DPP9: variants seen among roughly 807,000 people sequenced by gnomAD.
DPP9 encodes dipeptidyl peptidase 9.
A neutral mutation model predicts 110.7 loss-of-function variants in DPP9; 50 were observed. That is an observed-to-expected ratio of 0.45 (90% confidence interval 0.36 to 0.57). The LOEUF (loss-of-function observed/expected upper bound fraction) is 0.57, where lower values mean the gene tolerates loss of function less well. Among genes scored for constraint, DPP9 ranks in the 20% least tolerant of loss-of-function variants. DPP9 has a pLI of 0.00. For synonymous variants in DPP9, 561 were observed against 514.4 expected (o/e 1.09, Z -1.23); for missense variants, 1,022 against 1,217.9 (o/e 0.84, Z 2.39).
In DPP9 at chr19:4,682,735, G is replaced by T. The variant is rs373425668; in HGVS notation, c.2435C>A (p.Ala812Glu). The change falls in exon 20 of 22, where the codon GCG (alanine) becomes GAG (glutamate). Residue 812 changes from alanine to glutamate, a missense_variant. Physicochemically the swap from Ala to Glu is moderately radical, Grantham distance 107. This residue lies in a region of DPP9 where 209 missense variants were observed against 280.4 expected (regional missense o/e 0.75). Transcript: ENST00000262960. This position sits in a 1 kb window ranked among gnomAD's most constrained non-coding sequence, Gnocchi z 7.1. ...CTCCACGTGCAGGGCCACGGAACCC[G>T]CCTCATAGCCGTGCTGGTTGTTCTC... The part of the protein sequence containing the change: ...VPENNQHGYE[A>E]GSVALHVEKL... 44 of 1,608,622 alleles carry T rather than the reference G, an allele frequency of 2.7e-5. No homozygotes were observed. Among genetic ancestry groups the T allele is most frequent in the Non-Finnish European group, 3.5e-5 (41 of 1,177,824 alleles).
At position 4,687,854 on chromosome 19, in the gene DPP9, G is replaced by C. The variant is rs1306388821; in HGVS notation, c.1885+903C>G. ...GCTCTGTCGCCCAGGCTAAAGTACA[G>C]TGGTGCGATCTCAGCTCACTGCAAC... On this transcript the variant is annotated intron_variant, in intron 16 of 21. Coordinates refer to ENST00000262960, the MANE Select transcript of DPP9 (RefSeq NM_139159.5). This position sits in a 1 kb window ranked among gnomAD's most constrained non-coding sequence, Gnocchi z 4.7. 6.6e-6 allele frequency among the ~76,000 whole-genome samples: 1 copy of C among 152,104 alleles called. No individual in the cohort carries two copies. The highest frequency in any genetic ancestry group is 1.5e-5 in the Non-Finnish European group (1 of 68,020).
In DPP9 at chr19:4,702,685, A is replaced by C. The variant is rs561169486; in HGVS notation, c.801T>G (p.Ser267=). 3 of 1,600,090 alleles carry C rather than the reference A, an allele frequency of 1.9e-6. No homozygotes were observed. The highest frequency in any genetic ancestry group is 3.4e-5 in the Admixed American group (2 of 58,200). Reference sequence around the variant, plus strand: ...GTATGACGAAGGTGGCCACACCCGCAGACTTGGGGTCATCCAGGACATTGG... The same window carrying C: ...GTATGACGAAGGTGGCCACACCCGCCGACTTGGGGTCATCCAGGACATTGG... ...GLSNVLDDPK[S]AGVATFVIQE... The change falls in exon 8 of 22, where the codon TCT becomes TCG. Residue 267 remains serine, a synonymous_variant. Coordinates refer to ENST00000262960, the MANE Select transcript of DPP9 (RefSeq NM_139159.5).
chr19:4,716,782 G>A (rs894741292), intron 3 of DPP9, among the ~76,000 whole-genome samples: 8 of 152,178 alleles, frequency 5.3e-5, no homozygotes, highest in Admixed American at 1.3e-4. Flanking sequence ...AATCAGAGCC[G>A]AGTGAATGAG....
rs540654597 is a variant in DPP9, at chr19:4,695,277, A to C, written c.1353+101T>G. On this transcript the variant is annotated intron_variant, in intron 12 of 21. Coordinates refer to ENST00000262960, the MANE Select transcript of DPP9 (RefSeq NM_139159.5). The surrounding 1 kb of genome is among the most constrained non-coding windows in gnomAD (Gnocchi z 4.7). ...AGCTCACTTCTCCACACAAGGGCAA[A>C]CACCACCTGCCATTGGCGCTCAGCC... The C allele has an allele frequency of 6.9e-6, 9 of 1,305,364 alleles. No individual in the cohort carries two copies. The highest frequency in any genetic ancestry group is 5.6e-5 in the Admixed American group (2 of 35,406). 80.9% of individuals were successfully genotyped at this position (1,305,364 alleles called of 1,614,324 possible).
chr19:4,722,749 T>G, intron 1 of DPP9, 198 bp from the exon 2 acceptor site: 26 of 560,446 alleles, frequency 4.6e-5, no homozygotes, highest in Non-Finnish European at 6.7e-5. Flanking sequence ...CGGGCCCCGA[T>G]TCCCCTGGGA....
In DPP9 at chr19:4,700,949, G is replaced by C. The variant is rs1314534422; in HGVS notation, c.1013-672C>G. On this transcript the variant is annotated intron_variant, in intron 9 of 21. Coordinates refer to ENST00000262960, the MANE Select transcript of DPP9 (RefSeq NM_139159.5). This position sits in a 1 kb window ranked among gnomAD's most constrained non-coding sequence, Gnocchi z 4.3. ...GCCTGTTTTCTCATCTGTCATACGA[G>C]GGGGAAAAGACTGACTTAGCTCATT... 6.6e-6 allele frequency among the ~76,000 whole-genome samples: 1 copy of C among 152,158 alleles called. No homozygotes were observed. Among genetic ancestry groups the C allele is most frequent in the Admixed American group, 6.5e-5 (1 of 15,270 alleles).
rs1599899559 is a variant in DPP9 at position 4,695,279 on chromosome 19, A to G, written c.1353+99T>C. The G allele has an allele frequency of 2.3e-6, 3 of 1,312,460 alleles. No homozygotes were observed. Among genetic ancestry groups the G allele is most frequent in the Middle Eastern group, 2.5e-4 (1 of 4,070 alleles). The allele number at this position is 1,312,460 out of a possible 1,614,324, so 81.3% of individuals were successfully genotyped here. On this transcript the variant is annotated intron_variant, in intron 12 of 21. Coordinates refer to ENST00000262960, the MANE Select transcript of DPP9 (RefSeq NM_139159.5). The surrounding 1 kb of genome is among the most constrained non-coding windows in gnomAD (Gnocchi z 4.7). ...CTCACTTCTCCACACAAGGGCAAAC[A>G]CCACCTGCCATTGGCGCTCAGCCTT...
Position 4,704,268 on chromosome 19 carries a change from C to G in DPP9, c.463G>C (p.Glu155Gln). ...PHHGVYSREE[E>Q]LLRERKRLGV... ...AGGCGTTTCCGCTCCCTCAGCAGCTCCTCCTCCCGAGAGTAGACCCCATGG... is the reference window on the plus strand; with the variant it reads ...AGGCGTTTCCGCTCCCTCAGCAGCTGCTCCTCCCGAGAGTAGACCCCATGG... Residue 155 changes from glutamate to glutamine, a missense_variant, in exon 6 of 22, where the codon GAG becomes CAG. Glu to Gln is a conservative substitution (Grantham distance 29). This residue lies in a region of DPP9 where 810 missense variants were observed against 920.6 expected (regional missense o/e 0.88). Transcript: ENST00000262960. The surrounding 1 kb of genome is among the most constrained non-coding windows in gnomAD (Gnocchi z 6.0). 6.2e-7 allele frequency: 1 copy of G among 1,613,602 alleles called. No homozygotes were observed. Among genetic ancestry groups the G allele is most frequent in the East Asian group, 2.2e-5 (1 of 44,898 alleles).
At chr19:4,705,835 C>G (rs1375699028) in intron 5 of DPP9, 23 bp downstream of exon 5, 1 of 1,611,772 alleles carries the variant, frequency 6.2e-7, no homozygotes, top group Non-Finnish European at 8.5e-7. Context: ...ACGGTAGGGC[C>G]CACGCCTAAT....
In DPP9 at chr19:4,687,620, G is replaced by A. The variant is rs2090892516; in HGVS notation, c.1885+1137C>T. Among the ~76,000 whole-genome samples, 1 of 152,148 alleles carries A rather than the reference G, an allele frequency of 6.6e-6. No homozygotes were observed. The highest frequency in any genetic ancestry group is 1.5e-5 in the Non-Finnish European group (1 of 68,034). On this transcript the variant is annotated intron_variant, in intron 16 of 21. Coordinates refer to ENST00000262960, the MANE Select transcript of DPP9 (RefSeq NM_139159.5). The surrounding 1 kb of genome is among the most constrained non-coding windows in gnomAD (Gnocchi z 4.7). ...GGAGTGTCGGCTCTGAGCAGGTGCT[G>A]CTGTGGGCGGCAGCCTCTGGGCACA...
At chr19:4,678,257 C>T (rs1032010795) in intron 21 of DPP9, among the ~76,000 whole-genome samples, 6 of 152,164 alleles carry the variant, frequency 3.9e-5, no homozygotes, top group Non-Finnish European at 7.3e-5. Flanking sequence ...GGACTACAGG[C>T]GTGTGCCACC....
At chr19:4,686,318 AT>A (rs397859631) in intron 16 of DPP9, among the ~76,000 whole-genome samples, 15,512 of 105,518 alleles carry the variant, frequency 0.15, 948 homozygotes, top group African/African-American at 0.26. Flanking sequence ...CTCGAACTGT[AT>A]TTTTTTTTTT....
In DPP9 at chr19:4,694,967, T is replaced by C. The variant is rs778464964; in HGVS notation, c.1354-144A>G. 127 of 704,232 alleles carry C rather than the reference T, an allele frequency of 1.8e-4. No homozygotes were observed. The highest frequency in any genetic ancestry group is 7.9e-4 in the Middle Eastern group (2 of 2,542). The allele number at this position is 704,232 out of a possible 1,614,324, so 43.6% of individuals were successfully genotyped here. ...ATTTCAGAGACCAGCCTGGACAACATAGTAAGACCCCACCTCTAAAAATAA... is the reference window on the plus strand; with the variant it reads ...ATTTCAGAGACCAGCCTGGACAACACAGTAAGACCCCACCTCTAAAAATAA... On this transcript the variant is annotated intron_variant, in intron 12 of 21. Coordinates refer to ENST00000262960, the MANE Select transcript of DPP9 (RefSeq NM_139159.5). This position sits in a 1 kb window ranked among gnomAD's most constrained non-coding sequence, Gnocchi z 4.0.
At chr19:4,678,132 A>G (rs1440560699) in intron 21 of DPP9, among the ~76,000 whole-genome samples, 1 of 147,640 alleles carries the variant, frequency 6.8e-6, no homozygotes, top group Non-Finnish European at 1.5e-5. Context: ...TTTTCTTTTG[A>G]GACGGAGTCT....
At chr19:4,692,128 A>T (rs1406630203) in intron 13 of DPP9, among the ~76,000 whole-genome samples, 1 of 152,078 alleles carries the variant, frequency 6.6e-6, no homozygotes, top group Admixed American at 6.6e-5. Context: ...CTGGAACAAG[A>T]TGCTGGTGAA....
chr19:4,708,372 G>T (rs1163287110), intron 4 of DPP9, among the ~76,000 whole-genome samples: 1 of 152,154 alleles, frequency 6.6e-6, no homozygotes, highest in Non-Finnish European at 1.5e-5. Flanking sequence ...TGGCATTTAG[G>T]GTTCCTTTCT....
chr19:4,685,314 G>GGGCCCAT lies in DPP9; in HGVS notation c.2031+305_2031+311dup, dbSNP rs776511443. 33 of 578,402 alleles carry GGGCCCAT rather than the reference G, an allele frequency of 5.7e-5. No individual in the cohort carries two copies. The Admixed American group carries it at 7.2e-4, about 13-fold the overall frequency. The allele number at this position is 578,402 out of a possible 1,614,324, so 35.8% of individuals were successfully genotyped here. A position where few individuals can be genotyped will look rare whatever the true frequency, so the allele number is the denominator to read the frequency against. ...ACCCCTGCTCCAGGAATTGGGCCCA[G>GGGCCCAT]GGCCCATGGCCACCTCCATACCAAC... On this transcript the variant is annotated intron_variant, in intron 17 of 21. Coordinates refer to ENST00000262960, the MANE Select transcript of DPP9 (RefSeq NM_139159.5). The surrounding 1 kb of genome is among the most constrained non-coding windows in gnomAD (Gnocchi z 5.8).
Position 4,685,057 on chromosome 19 carries a change from T to G in DPP9, c.2032-248A>C. 1 of 661,972 alleles carries G rather than the reference T, an allele frequency of 1.5e-6. No individual in the cohort carries two copies. The highest frequency in any genetic ancestry group is 2.4e-4 in the Middle Eastern group (1 of 4,178). The allele number at this position is 661,972 out of a possible 1,614,324, so 41.0% of individuals were successfully genotyped here. A position where few individuals can be genotyped will look rare whatever the true frequency, so the allele number is the denominator to read the frequency against. On this transcript the variant is annotated intron_variant, in intron 17 of 21. Transcript: ENST00000262960. This position sits in a 1 kb window ranked among gnomAD's most constrained non-coding sequence, Gnocchi z 5.8. Reference sequence around the variant, plus strand: ...TTTCTCAGCTGGGCCACTGCCCCAGTCCTGCCTGGAACAACTACTCTGGCA... The same window carrying G: ...TTTCTCAGCTGGGCCACTGCCCCAGGCCTGCCTGGAACAACTACTCTGGCA...
chr19:4,685,563 TG>T lies in DPP9; in HGVS notation c.2031+62del. 6.8e-7 allele frequency: 1 copy of T among 1,478,710 alleles called. No homozygotes were observed. The allele number at this position is 1,478,710 out of a possible 1,614,324, so 91.6% of individuals were successfully genotyped here. On this transcript the variant is annotated intron_variant, in intron 17 of 21. Coordinates refer to ENST00000262960, the MANE Select transcript of DPP9 (RefSeq NM_139159.5). This position sits in a 1 kb window ranked among gnomAD's most constrained non-coding sequence, Gnocchi z 5.8. The stretch of plus-strand genomic sequence containing the variant: ...GACTGTTCTACAGCTGGCACTTGAG[TG>T]GGGATGGGGAGTCCTCGGGTGGATG...
Sources: gnomAD v4.1 joint callset for allele counts (sites outside exome capture counted in the v4.1 genomes callset) on GRCh38, gnomAD v4.1.1 for gene constraint, gnomAD v4.1.1 regional missense constraint, Gnocchi (gnomAD v3.1) non-coding constraint, MANE v1.5 for transcripts, NCBI Gene and HGNC (gene_info 2026-07-23, HGNC 2026-07-21) for gene names.